The following ANKS1B variants were observed in gnomAD, a reference collection of about 807,000 sequenced individuals.
The protein encoded by ANKS1B is ankyrin repeat and sterile alpha motif domain containing 1B, also known as ankyrin repeat and sterile alpha motif domain-containing protein 1B.
Under a neutral mutation model 148.3 loss-of-function variants are expected in ANKS1B, and 36 were observed. The ratio of observed to expected loss-of-function variants is 0.24; its 90% CI spans 0.19 to 0.32. The LOEUF (loss-of-function observed/expected upper bound fraction) is 0.32. Ranked by LOEUF, ANKS1B falls within the 10% of genes least tolerant of loss-of-function variation. The pLI is 1.00. For missense variants in ANKS1B, 1,157 were observed against 1,542.6 expected (o/e 0.75, Z 4.19); for synonymous variants, 542 against 560.8 (o/e 0.97, Z 0.47).
chr12:98,739,146 T>C (rs962737226), downstream of ANKS1B, among the ~76,000 whole-genome samples: 1 of 152,230 alleles, frequency 6.6e-6, no homozygotes, highest in Non-Finnish European at 1.5e-5. Context: ...GTCCACGGCC[T>C]TCTGTCTCCA....
At chr12:99,515,322 C>A (rs1205096961) in intron 9 of ANKS1B, among the ~76,000 whole-genome samples, 2 of 152,042 alleles carry the variant, frequency 1.3e-5, no homozygotes, top group Non-Finnish European at 2.9e-5. Flanking sequence ...CACCCTCAGA[C>A]CCCCACTATT....
intron 12 of ANKS1B, among the ~76,000 whole-genome samples, chr12:99,251,789 G>A (rs947597979): frequency 6.6e-6 from 1 of 152,088 alleles, no homozygotes; most frequent in African/African-American, 2.4e-5. Context: ...TTGGGTCATT[G>A]CATCTGATTT....
At chr12:98,821,894 C>A (rs2099196621) in intron 19 of ANKS1B, among the ~76,000 whole-genome samples, 1 of 150,952 alleles carries the variant, frequency 6.6e-6, no homozygotes, top group African/African-American at 2.4e-5. Flanking sequence ...AGGCATAAGC[C>A]ACGATGCCTG....
intron 11 of ANKS1B, among the ~76,000 whole-genome samples, chr12:99,440,861 T>C (rs1424000364): frequency 2.0e-5 from 3 of 151,786 alleles, no homozygotes; most frequent in Non-Finnish European, 4.4e-5. Context: ...AGGAACCAAT[T>C]TGCTACATCT....
At chr12:98,875,010 A>G (rs891287302) in intron 17 of ANKS1B, among the ~76,000 whole-genome samples, 1 of 152,250 alleles carries the variant, frequency 6.6e-6, no homozygotes, top group African/African-American at 2.4e-5. Context: ...TGACTTAAAC[A>G]GTTTAAACAA....
chr12:99,029,490 A>G (rs528128456), intron 17 of ANKS1B, among the ~76,000 whole-genome samples: 30 of 152,362 alleles, frequency 2.0e-4, no homozygotes, highest in Middle Eastern at 3.4e-3. Flanking sequence ...CTCACGCTTT[A>G]GAGCACTGTT....
chr12:98,894,839 T>C (rs980060664), intron 17 of ANKS1B: 204 of 981,480 alleles, frequency 2.1e-4, no homozygotes, highest in Non-Finnish European at 2.3e-4. Flanking sequence ...CGCGCCGCGC[T>C]GCGCCGAGCG....
At chr12:99,109,844 G>C (rs10507107) in intron 15 of ANKS1B, among the ~76,000 whole-genome samples, 100,064 of 152,042 alleles carry the variant, frequency 0.66, 33,187 homozygotes, top group East Asian at 0.89. Context: ...TGGGGAAACA[G>C]TTTGATATTC....
At chr12:99,413,562 G>A in intron 11 of ANKS1B, among the ~76,000 whole-genome samples, 1 of 152,122 alleles carries the variant, frequency 6.6e-6, no homozygotes, top group South Asian at 2.1e-4. Context: ...TGGAAAATGG[G>A]AATAAATAGT....
At chr12:98,867,025 T>C (rs761273811) in intron 17 of ANKS1B, among the ~76,000 whole-genome samples, 1 of 152,136 alleles carries the variant, frequency 6.6e-6, no homozygotes, top group Non-Finnish European at 1.5e-5. Context: ...ATAAGCCCCA[T>C]GTGGAAAGGT....
intron 17 of ANKS1B, among the ~76,000 whole-genome samples, chr12:98,970,788 C>T (rs2099882474): frequency 6.6e-6 from 1 of 152,118 alleles, no homozygotes; most frequent in Non-Finnish European, 1.5e-5. Flanking sequence ...AAAGGTTAGC[C>T]ATTATTGATA....
chr12:99,843,973 G>A (rs146158106), intron 1 of ANKS1B, among the ~76,000 whole-genome samples: 124 of 152,142 alleles, frequency 8.2e-4, no homozygotes, highest in African/African-American at 2.9e-3. Context: ...ATCTCATGTC[G>A]TTTAGATTTG....
intron 8 of ANKS1B, among the ~76,000 whole-genome samples, chr12:99,740,942 G>C (rs983596861): frequency 2.0e-5 from 3 of 152,068 alleles, no homozygotes; most frequent in Non-Finnish European, 2.9e-5. Flanking sequence ...TGCCACCAGG[G>C]CCCTGGGTTT....
intron 10 of ANKS1B, among the ~76,000 whole-genome samples, chr12:99,477,527 C>T (rs1347726125): frequency 6.6e-6 from 1 of 152,090 alleles, no homozygotes; most frequent in East Asian, 1.9e-4. Flanking sequence ...ACTAGCAATG[C>T]CACCTTGAGT....
chr12:99,310,011 C>T (rs1489769692), intron 12 of ANKS1B, among the ~76,000 whole-genome samples: 1 of 152,068 alleles, frequency 6.6e-6, no homozygotes, highest in East Asian at 1.9e-4. Flanking sequence ...TGCTAGGAAA[C>T]ATGGTTTCTT....
chr12:98,746,541 C>G (rs1330956007), intron 26 of ANKS1B, among the ~76,000 whole-genome samples: 1 of 152,218 alleles, frequency 6.6e-6, no homozygotes, highest in Non-Finnish European at 1.5e-5. Context: ...TTTCTGCTCT[C>G]CTCTTCTGCC....
chr12:98,988,965 T>G (rs1033815003), intron 17 of ANKS1B, among the ~76,000 whole-genome samples: 1 of 152,160 alleles, frequency 6.6e-6, no homozygotes, highest in African/African-American at 2.4e-5. Flanking sequence ...GTGTTTTTGT[T>G]TTGCTATTGA....
intron 25 of ANKS1B, among the ~76,000 whole-genome samples, chr12:98,763,437 C>A (rs992726096): frequency 2.6e-5 from 4 of 152,260 alleles, no homozygotes; most frequent in African/African-American, 4.8e-5. Flanking sequence ...GGCAAGATGA[C>A]AAATCAACTG....
chr12:99,896,233 C>T (rs1461172007), intron 1 of ANKS1B, among the ~76,000 whole-genome samples: 1 of 151,162 alleles, frequency 6.6e-6, no homozygotes, highest in Non-Finnish European at 1.5e-5. Context: ...CCTCCATCTG[C>T]CCATTTCTCC....
Sources: gnomAD v4.1 joint callset for allele counts (sites outside exome capture counted in the v4.1 genomes callset) on GRCh38, gnomAD v4.1.1 for gene constraint, MANE v1.5 for transcripts, NCBI Gene and HGNC (gene_info 2026-07-23, HGNC 2026-07-21) for gene names.